NECTIN3: variants seen among roughly 807,000 people sequenced by gnomAD.
The protein encoded by NECTIN3 is nectin cell adhesion molecule 3.
A neutral mutation model predicts 49.4 loss-of-function variants in NECTIN3; 8 were observed. That is an observed-to-expected ratio of 0.16 (90% CI 0.10 to 0.29). The LOEUF (loss-of-function observed/expected upper bound fraction) is 0.29, where lower values mean the gene tolerates loss of function less well. NECTIN3 is among the 10% of genes least tolerant of loss of function. NECTIN3 has a pLI of 1.00. For missense variants in NECTIN3, 581 were observed against 654.6 expected (o/e 0.89, Z 1.23); for synonymous variants, 277 against 241.1 (o/e 1.15, Z -1.38).
chr3:111,105,720 G>C (rs1381832336), intron 1 of NECTIN3, among the ~76,000 whole-genome samples: 2 of 152,118 alleles, frequency 1.3e-5, no homozygotes, highest in Admixed American at 6.6e-5. Flanking sequence ...AGAACCTTCA[G>C]TACAATTTTG....
intron 7 of NECTIN3, among the ~76,000 whole-genome samples, chr3:111,166,802 T>C (rs2035326956): frequency 6.6e-6 from 1 of 152,220 alleles, no homozygotes. Flanking sequence ...GCCTTAGTAA[T>C]CTTTCTGTTT....
In NECTIN3 at chr3:111,118,744, T is replaced by C; in HGVS notation, c.591T>C (p.Thr197=). Residue 197 remains threonine, a synonymous_variant, in exon 3 of 6, where the codon ACT becomes ACC. Coordinates refer to ENST00000485303, the MANE Select transcript of NECTIN3 (RefSeq NM_015480.3). ...ETVAAICIAA[T]GKPVAHIDWE... is the part of the protein sequence containing the mutation. ...TAGCAGCCATTTGCATCGCAGCCAC[T>C]GGAAAACCCGTTGCACATATTGACT... The C allele has an allele frequency of 1.2e-6, 2 of 1,614,166 alleles. No individual in the cohort carries two copies. Among genetic ancestry groups the C allele is most frequent in the African/African-American group, 1.3e-5 (1 of 75,048 alleles).
At chr3:111,116,894 C>T (rs1478280153) in intron 2 of NECTIN3, among the ~76,000 whole-genome samples, 5 of 151,934 alleles carry the variant, frequency 3.3e-5, no homozygotes, top group Non-Finnish European at 5.9e-5. Context: ...CCAGCAGGAG[C>T]TCTAAGATTG....
In NECTIN3 at chr3:111,135,868, C is replaced by G. The variant is rs2034556971; in HGVS notation, c.*1653C>G. On this transcript the variant is annotated 3_prime_UTR_variant, in exon 6 of 6. Coordinates refer to ENST00000485303, the MANE Select transcript of NECTIN3 (RefSeq NM_015480.3). ...TGGAAATTAGAAACCTCTTTTATTT[C>G]TCTTCCCAAAAGTAATACTTATTAT... The G allele has an allele frequency of 1.1e-6, 1 of 925,012 alleles. No individual in the cohort carries two copies. Among genetic ancestry groups the G allele is most frequent in the Non-Finnish European group, 1.3e-6 (1 of 775,856 alleles). 57.3% of individuals were successfully genotyped at this position (925,012 alleles called of 1,614,324 possible).
At chr3:111,131,433 G>T (rs1393323989) in intron 5 of NECTIN3, among the ~76,000 whole-genome samples, 1 of 151,912 alleles carries the variant, frequency 6.6e-6, no homozygotes, top group Non-Finnish European at 1.5e-5. Context: ...AGAAAACAGA[G>T]AAAATATTTT....
At chr3:111,164,112 T>C (rs1031843964) in intron 7 of NECTIN3, among the ~76,000 whole-genome samples, 1 of 152,170 alleles carries the variant, frequency 6.6e-6, no homozygotes, top group African/African-American at 2.4e-5. Context: ...AATCAAATGT[T>C]TGTGAAATTT....
chr3:111,072,135 C>T lies in NECTIN3; in HGVS notation c.118C>T (p.Leu40=). 1 of 1,550,428 alleles carries T rather than the reference C, an allele frequency of 6.4e-7. No homozygotes were observed. Among genetic ancestry groups the T allele is most frequent in the Non-Finnish European group, 8.7e-7 (1 of 1,146,792 alleles). Reference sequence around the variant, plus strand: ...GCAGCCCCCGACGCCACCTCCGCTGCTGCTGCTGCTCTTCCCGCTGCTGCT... The same window carrying T: ...GCAGCCCCCGACGCCACCTCCGCTGTTGCTGCTGCTCTTCCCGCTGCTGCT... ...LLQPPTPPPL[L]LLLFPLLLFS... The change falls in exon 1 of 6, where the codon CTG becomes TTG. Residue 40 remains leucine (L), a synonymous_variant. Coordinates refer to ENST00000485303, the MANE Select transcript of NECTIN3 (RefSeq NM_015480.3).
At chr3:111,150,711 CT>C (rs549708738) in intron 7 of NECTIN3, among the ~76,000 whole-genome samples, 87 of 148,384 alleles carry the variant, frequency 5.9e-4, no homozygotes, top group Non-Finnish European at 9.4e-4. Flanking sequence ...TTGCGTGAAG[CT>C]TTTTTTTTTC....
chr3:111,144,422 A>T (rs111563993), intron 5 of NECTIN3, among the ~76,000 whole-genome samples: 25,213 of 151,338 alleles, frequency 0.17, 4,827 homozygotes, highest in African/African-American at 0.47. Flanking sequence ...TCCAATGTCA[A>T]TTTTTTTTGA....
At chr3:111,080,822 G>A (rs907926050) in intron 1 of NECTIN3, among the ~76,000 whole-genome samples, 9 of 152,088 alleles carry the variant, frequency 5.9e-5, no homozygotes, top group East Asian at 1.9e-4. Context: ...TCATTAATAC[G>A]ATTAATGGCA....
At chr3:111,094,915 A>C (rs965141031) in intron 1 of NECTIN3, among the ~76,000 whole-genome samples, 1 of 152,200 alleles carries the variant, frequency 6.6e-6, no homozygotes, top group African/African-American at 2.4e-5. Context: ...CCCAAATCTA[A>C]GTTCACCAAT....
In NECTIN3 at chr3:111,137,105, A is replaced by G; in HGVS notation, c.*2890A>G. ...AGCTGTAGGAGTACAGTGTATAAGT[A>G]CAGAAATTGAGAGAAATGTAGTCAT... is the stretch of plus-strand genomic sequence containing the variant. On this transcript the variant is annotated 3_prime_UTR_variant, in exon 6 of 6. Coordinates refer to ENST00000485303, the MANE Select transcript of NECTIN3 (RefSeq NM_015480.3). 1.0e-6 allele frequency: 1 copy of G among 981,852 alleles called. No individual in the cohort carries two copies. The highest frequency in any genetic ancestry group is 1.2e-6 in the Non-Finnish European group (1 of 826,790). 60.8% of individuals were successfully genotyped at this position (981,852 alleles called of 1,614,324 possible).
chr3:111,140,350 A>G (rs2034711219), downstream of NECTIN3, among the ~76,000 whole-genome samples: 1 of 150,110 alleles, frequency 6.7e-6, no homozygotes, highest in Non-Finnish European at 1.5e-5. Context: ...CTGCTGATGC[A>G]TTTGATCTTT....
chr3:111,082,009 A>T (rs1314930371), intron 1 of NECTIN3, among the ~76,000 whole-genome samples: 3 of 152,228 alleles, frequency 2.0e-5, no homozygotes, highest in Non-Finnish European at 4.4e-5. Flanking sequence ...GAAGGTGACA[A>T]CCATTGTGAT....
intron 1 of NECTIN3, chr3:111,072,806 C>A: frequency 6.5e-6 from 3 of 459,434 alleles, no homozygotes; most frequent in East Asian, 4.4e-5. Flanking sequence ...TCACACTGCC[C>A]GTGCTTATTT....
chr3:111,083,773 C>T (rs1224269676), intron 1 of NECTIN3, among the ~76,000 whole-genome samples: 1 of 152,172 alleles, frequency 6.6e-6, no homozygotes, highest in African/African-American at 2.4e-5. Flanking sequence ...GCAACTAGAA[C>T]TATATCCAGA....
intron 7 of NECTIN3, among the ~76,000 whole-genome samples, chr3:111,172,607 G>A (rs954382327): frequency 2.0e-5 from 3 of 152,126 alleles, no homozygotes; most frequent in African/African-American, 4.8e-5. Flanking sequence ...AGGAAAGTGG[G>A]TCCTAAAGTT....
At chr3:111,162,316 C>T (rs1192622562) in intron 7 of NECTIN3, among the ~76,000 whole-genome samples, 1 of 152,156 alleles carries the variant, frequency 6.6e-6, no homozygotes, top group Non-Finnish European at 1.5e-5. Flanking sequence ...CCATAATCCC[C>T]ACATCATGGG....
downstream of NECTIN3, among the ~76,000 whole-genome samples, chr3:111,141,056 A>G (rs1473770126): frequency 6.6e-6 from 1 of 151,942 alleles, no homozygotes; most frequent in Non-Finnish European, 1.5e-5. Flanking sequence ...GGCCTGACAC[A>G]TACTAGGTGC....
Sources: allele counts gnomAD v4.1 joint callset (sites outside exome capture counted in the v4.1 genomes callset), GRCh38; gene constraint gnomAD v4.1.1; transcripts MANE v1.5; gene names NCBI Gene and HGNC (gene_info 2026-07-23, HGNC 2026-07-21).